Variants in SMAD7 observed in about 807,000 individuals in gnomAD.
SMAD7 encodes SMAD family member 7, also known as MAD (mothers against decapentaplegic, Drosophila) homolog 7.
SMAD7 carries 8 observed loss-of-function variants against 38.7 expected under a neutral mutation model. The observed-to-expected ratio is 0.21, with a 90% CI of 0.12 to 0.37. The LOEUF is 0.37. Ranked by LOEUF, SMAD7 falls within the 10% of genes least tolerant of loss-of-function variation. The pLI is 1.00. For synonymous variants in SMAD7, 327 were observed against 265.1 expected (o/e 1.23, Z -2.27); for missense variants, 477 against 577.9 (o/e 0.83, Z 1.79).
intron 1 of SMAD7, 144 bp from the exon 2 acceptor site, chr18:48,948,581 T>C (rs1442306889): frequency 1.8e-6 from 1 of 547,674 alleles, no homozygotes; most frequent in Non-Finnish European, 3.2e-6. Context: ...GTGATTGCCT[T>C]GATATTTAGC....
intron 2 of SMAD7, among the ~76,000 whole-genome samples, chr18:48,947,596 AG>A (rs2143820384): frequency 6.6e-6 from 1 of 152,352 alleles, no homozygotes; most frequent in South Asian, 2.1e-4. Context: ...AGGGAGCTCC[AG>A]GAATTTGGGT....
At chr18:48,947,182 A>C (rs2070204399) in intron 2 of SMAD7, among the ~76,000 whole-genome samples, 1 of 152,188 alleles carries the variant, frequency 6.6e-6, no homozygotes, top group Non-Finnish European at 1.5e-5. Context: ...GTAAATCGAA[A>C]GCAAAATATC....
Position 48,921,998 on chromosome 18 carries a change from T to TCTA in SMAD7, c.743-89_743-88insTAG. ...ACACCCGCCCCCCCACTGCACCCAG[T>TCTA]CACCAGCTCATCTCTCAGGACGAGA... On this transcript the variant is annotated intron_variant, in intron 3 of 3. Transcript: ENST00000262158. The surrounding 1 kb of genome is among the most constrained non-coding windows in gnomAD (Gnocchi z 6.4). 1.0e-6 allele frequency: 1 copy of TCTA among 998,760 alleles called. No homozygotes were observed. The highest frequency in any genetic ancestry group is 2.4e-5 in the East Asian group (1 of 41,102). 61.9% of individuals were successfully genotyped at this position (998,760 alleles called of 1,614,324 possible).
Position 48,921,208 on chromosome 18 carries a change from A to T in SMAD7, c.*164T>A. On this transcript the variant is annotated 3_prime_UTR_variant, in exon 4 of 4. Coordinates refer to ENST00000262158, the MANE Select transcript of SMAD7 (RefSeq NM_005904.4). This position sits in a 1 kb window ranked among gnomAD's most constrained non-coding sequence, Gnocchi z 6.4. Reference sequence around the variant, plus strand: ...AGCTATTTCTCAAAGAGCGAAACAAAACAGAACACAAACGAGGACGAGAAG... The same window carrying T: ...AGCTATTTCTCAAAGAGCGAAACAATACAGAACACAAACGAGGACGAGAAG... The T allele has an allele frequency of 1.6e-6, 1 of 638,326 alleles. No individual in the cohort carries two copies. Among genetic ancestry groups the T allele is most frequent in the South Asian group, 2.1e-5 (1 of 46,656 alleles). The allele number at this position is 638,326 out of a possible 1,614,324, so 39.5% of individuals were successfully genotyped here. A position where few individuals can be genotyped will look rare whatever the true frequency, so the allele number is the denominator to read the frequency against.
chr18:48,939,810 G>A (rs1223495311), intron 3 of SMAD7, among the ~76,000 whole-genome samples: 1 of 151,808 alleles, frequency 6.6e-6, no homozygotes, highest in Non-Finnish European at 1.5e-5. Context: ...AGTTTTCACT[G>A]CTCCCCACCT....
rs541685642 is a variant in SMAD7 at position 48,946,430 on chromosome 18, C to CA, written c.667+1953_667+1954insT. Among the ~76,000 whole-genome samples, 273 of 146,012 alleles carry CA rather than the reference C, an allele frequency of 1.9e-3. 3 individuals carry two copies. The highest frequency in any genetic ancestry group is 6.1e-3 in the African/African-American group (248 of 40,866). On this transcript the variant is annotated intron_variant, in intron 2 of 3. Transcript: ENST00000262158. ...ACCAGCCCCAGACCTGTGAGGGGGG[C>CA]GGGGGGGGTGTGCTCCAGCTCCAGA...
At position 48,936,721 on chromosome 18, in the gene SMAD7, G is replaced by A. The variant is rs549617424; in HGVS notation, c.742+5760C>T. 1.6e-4 allele frequency among the ~76,000 whole-genome samples: 25 copies of A among 152,226 alleles called. 1 individual carries two copies. In the East Asian group the frequency reaches 4.4e-3, roughly 27 times the overall value. ...TCCGAGTTCAAGGCCTGGACCGAAG[G>A]AAGTAAAGACCAGCCTGGCCATCAT... On this transcript the variant is annotated intron_variant, in intron 3 of 3. Coordinates refer to ENST00000262158, the MANE Select transcript of SMAD7 (RefSeq NM_005904.4).
chr18:48,929,569 T>TCTCACACACACACACACA (rs3082710), intron 3 of SMAD7, among the ~76,000 whole-genome samples: 4,082 of 114,422 alleles, frequency 0.036, 156 homozygotes, highest in East Asian at 0.07. Flanking sequence ...TCTCTCTCTC[T>TCTCACACACACACACACA]CACTCACACA....
rs1157713294 is a variant in SMAD7 at position 48,921,675 on chromosome 18, C to T, written c.978G>A (p.Glu326=). Residue 326 remains glutamate (E), a synonymous_variant, in exon 4 of 4, where the codon GAG becomes GAA. Transcript: ENST00000262158. The surrounding 1 kb of genome is among the most constrained non-coding windows in gnomAD (Gnocchi z 6.4). ...GGTTGTACACCCACACACCATCCAC[C>T]TCCCGCGTCAGCTGGATGCCGCAGC... ...KIGCGIQLTR[E]VDGVWVYNRS... 2 of 1,612,594 alleles carry T rather than the reference C, an allele frequency of 1.2e-6. No homozygotes were observed. Among genetic ancestry groups the T allele is most frequent in the African/African-American group, 2.7e-5 (2 of 74,940 alleles).
chr18:48,936,114 ACAC>A (rs758360155), intron 3 of SMAD7, among the ~76,000 whole-genome samples: 4,213 of 14,542 alleles, frequency 0.29, 242 homozygotes, highest in East Asian at 0.47. Context: ...ACACACACAC[ACAC>A]CACACACACA....
chr18:48,942,917 C>T (rs1257448902), intron 2 of SMAD7: 2 of 366,128 alleles, frequency 5.5e-6, no homozygotes, highest in African/African-American at 4.5e-5. Flanking sequence ...TCTGTCATCC[C>T]TCATCAAGGG....
chr18:48,921,225 G>C lies in SMAD7; in HGVS notation c.*147C>G. 1 of 669,242 alleles carries C rather than the reference G, an allele frequency of 1.5e-6. No homozygotes were observed. Among genetic ancestry groups the C allele is most frequent in the Non-Finnish European group, 2.5e-6 (1 of 400,766 alleles). 41.5% of individuals were successfully genotyped at this position (669,242 alleles called of 1,614,324 possible). ...CGAAACAAAACAGAACACAAACGAG[G>C]ACGAGAAGAAGAAAACCAACCAACA... is the stretch of plus-strand genomic sequence containing the variant. On this transcript the variant is annotated 3_prime_UTR_variant, in exon 4 of 4. Coordinates refer to ENST00000262158, the MANE Select transcript of SMAD7 (RefSeq NM_005904.4). This position sits in a 1 kb window ranked among gnomAD's most constrained non-coding sequence, Gnocchi z 6.4.
At position 48,929,567 on chromosome 18, in the gene SMAD7, T is replaced by TCACACACACACACACACA. The variant is rs112497008; in HGVS notation, c.743-7658_743-7657insTGTGTGTGTGTGTGTGTG. Among the ~76,000 whole-genome samples, 227 of 61,738 alleles carry TCACACACACACACACACA rather than the reference T, an allele frequency of 3.7e-3. 1 individual carries two copies. The highest frequency in any genetic ancestry group is 9.1e-3 in the Middle Eastern group (1 of 110). 40.5% of individuals were successfully genotyped at this position (61,738 alleles called of 152,430 possible). On this transcript the variant is annotated intron_variant, in intron 3 of 3. Coordinates refer to ENST00000262158, the MANE Select transcript of SMAD7 (RefSeq NM_005904.4). ...TTCTCTCTTTCTCTCTCTCTCTCTC[T>TCACACACACACACACACA]CTCACTCACACACACACACACACAC...
At chr18:48,946,306 G>A (rs1316447) in intron 2 of SMAD7, among the ~76,000 whole-genome samples, 30,341 of 152,036 alleles carry the variant, frequency 0.2, 3,219 homozygotes, top group Middle Eastern at 0.35. Context: ...GTAGATTCCC[G>A]GGCCAAACAT....
At position 48,920,971 on chromosome 18, in the gene SMAD7, T is replaced by C. The variant is rs571503155; in HGVS notation, c.*401A>G. On this transcript the variant is annotated 3_prime_UTR_variant, in exon 4 of 4. Transcript: ENST00000262158. Reference sequence around the variant, plus strand: ...TAAGAGACACAAAACAAAGAGCACGTTGTCTCCCCATCTGCCGCTCCTGCA... The same window carrying C: ...TAAGAGACACAAAACAAAGAGCACGCTGTCTCCCCATCTGCCGCTCCTGCA... 9 of 185,438 alleles carry C rather than the reference T, an allele frequency of 4.9e-5. No homozygotes were observed. The highest frequency in any genetic ancestry group is 1.0e-4 in the Non-Finnish European group (9 of 89,196). 11.5% of individuals were successfully genotyped at this position (185,438 alleles called of 1,614,324 possible).
chr18:48,924,099 C>T (rs913642862), intron 3 of SMAD7, among the ~76,000 whole-genome samples: 2 of 152,150 alleles, frequency 1.3e-5, no homozygotes, highest in Non-Finnish European at 2.9e-5. Flanking sequence ...AGCACATCCA[C>T]CCTTTTGGTG....
intron 3 of SMAD7, among the ~76,000 whole-genome samples, chr18:48,923,329 C>A (rs1179952287): frequency 6.6e-6 from 1 of 152,100 alleles, no homozygotes; most frequent in Non-Finnish European, 1.5e-5. Flanking sequence ...ATGGGTTGCA[C>A]CCTGCAGGGG....
In SMAD7 at chr18:48,950,307, C is replaced by T. The variant is rs1347846352; in HGVS notation, c.118G>A (p.Glu40Lys). Residue 40 changes from glutamate (E) to lysine (K), a missense_variant, in exon 1 of 4, where the codon GAA (glutamate) becomes AAA (lysine). Glu to Lys is a moderately conservative substitution (Grantham distance 56, BLOSUM62 1). Around this residue, in one of 2 missense-constraint regions of SMAD7, gnomAD observed 376 missense variants for 379.4 expected, o/e 0.99. Coordinates refer to ENST00000262158, the MANE Select transcript of SMAD7 (RefSeq NM_005904.4). ...TGCGCTCGGCTGTCCGTCGCCCCTT[C>T]TCCCCGCAGCTCGCCTCCTCCTCCA... ...GGGGGGELRG[E>K]GATDSRAHGA... 2 of 1,533,950 alleles carry T rather than the reference C, an allele frequency of 1.3e-6. No individual in the cohort carries two copies.
At chr18:48,928,824 A>G (rs934581505) in intron 3 of SMAD7, among the ~76,000 whole-genome samples, 1 of 152,168 alleles carries the variant, frequency 6.6e-6, no homozygotes, top group Non-Finnish European at 1.5e-5. Flanking sequence ...GAATGCTCCT[A>G]AGAGCATTTA....
Sources: allele counts gnomAD v4.1 joint callset (sites outside exome capture counted in the v4.1 genomes callset), GRCh38; gene constraint gnomAD v4.1.1; regional missense constraint gnomAD v4.1.1; non-coding constraint Gnocchi (gnomAD v3.1); transcripts MANE v1.5; gene names NCBI Gene and HGNC (gene_info 2026-07-23, HGNC 2026-07-21).